The following ARMH3 variants were observed in gnomAD, a reference collection of about 807,000 sequenced individuals.
ARMH3 encodes armadillo-like helical domain-containing protein 3.
In ARMH3, 60 loss-of-function variants were observed where a neutral mutation model predicts 99.1. The ratio of observed to expected loss-of-function variants is 0.61; its 90% CI spans 0.49 to 0.75. The LOEUF is 0.75. Ranked by LOEUF, ARMH3 falls within the 30% of genes least tolerant of loss-of-function variation. ARMH3 has a pLI of 0.00. For synonymous variants in ARMH3, 285 were observed against 292.8 expected, an observed-to-expected ratio of 0.97 and a Z score of 0.27; for missense variants, 679 against 843.1, an observed-to-expected ratio of 0.81 and a Z score of 2.41.
chr10:102,015,688 C>G (rs918691994), intron 8 of ARMH3, among the ~76,000 whole-genome samples: 1 of 152,126 alleles, frequency 6.6e-6, no homozygotes, highest in South Asian at 2.1e-4. Context: ...CTGCACCCAG[C>G]CTGTTTTAGG....
intron 22 of ARMH3, among the ~76,000 whole-genome samples, chr10:101,945,117 T>A (rs566971378): frequency 1.4e-4 from 22 of 152,212 alleles, no homozygotes; most frequent in African/African-American, 5.3e-4. Flanking sequence ...GCAGACAGAT[T>A]ATAGAGGGAA....
At chr10:102,050,854 C>A (rs12775491) in intron 1 of ARMH3, among the ~76,000 whole-genome samples, 1 of 137,290 alleles carries the variant, frequency 7.3e-6, no homozygotes, top group Non-Finnish European at 1.6e-5. Context: ...AAGACTCCAT[C>A]TCAGAAAAAA....
chr10:101,865,265 T>A (rs1265801684), intron 24 of ARMH3, among the ~76,000 whole-genome samples: 1 of 150,338 alleles, frequency 6.7e-6, no homozygotes, highest in Non-Finnish European at 1.5e-5. Flanking sequence ...TAAGAAAACA[T>A]TAAATATGTA....
chr10:102,033,217 C>A (rs1194072470), intron 3 of ARMH3, 45 bp from the exon 4 acceptor site: 5 of 1,613,270 alleles, frequency 3.1e-6, no homozygotes, highest in Non-Finnish European at 3.4e-6. Flanking sequence ...TTTAGCTTAG[C>A]GCCTAGAATA....
chr10:102,013,174 G>A (rs2066669997), intron 9 of ARMH3, among the ~76,000 whole-genome samples: 1 of 152,200 alleles, frequency 6.6e-6, no homozygotes, highest in African/African-American at 2.4e-5. Context: ...CACTTTGAAA[G>A]AGAAGATCCA....
chr10:101,982,609 A>T (rs1846284943), intron 19 of ARMH3, among the ~76,000 whole-genome samples: 1 of 152,126 alleles, frequency 6.6e-6, no homozygotes, highest in African/African-American at 2.4e-5. Flanking sequence ...CTTCAACTGT[A>T]TTTACAGCTG....
intron 21 of ARMH3, among the ~76,000 whole-genome samples, chr10:101,957,130 GA>G (rs556703789): frequency 1.3e-5 from 2 of 152,188 alleles, no homozygotes; most frequent in Non-Finnish European, 2.9e-5. Context: ...GCTCTACAAT[GA>G]AAATCAGCAA....
rs755981528 is a variant in ARMH3, at chr10:101,939,847, A to C, written c.1781+16T>G. The C allele has an allele frequency of 1.5e-5, 24 of 1,609,126 alleles. No individual in the cohort carries two copies. In the East Asian group the frequency reaches 4.0e-4, roughly 27 times the overall value. On this transcript the variant is annotated intron_variant, in intron 23 of 25. Transcript: ENST00000370033. ...AGAGCCAAGGAACTCTGCAAGAGAT[A>C]CTTCTCATTCCTTACCTGATATTAA...
At chr10:101,940,756 C>G (rs1031195892) in intron 22 of ARMH3, among the ~76,000 whole-genome samples, 2 of 152,140 alleles carry the variant, frequency 1.3e-5, no homozygotes, top group African/African-American at 4.8e-5. Flanking sequence ...TCTACAAGAA[C>G]GTTCTTCCCT....
chr10:101,871,873 C>T (rs143058970), intron 24 of ARMH3, among the ~76,000 whole-genome samples: 493 of 151,954 alleles, frequency 3.2e-3, no homozygotes, highest in Non-Finnish European at 5.3e-3. Flanking sequence ...TGGTGGTGCA[C>T]GCTTGTAATC....
chr10:101,878,980 C>T (rs1215438586), intron 24 of ARMH3, among the ~76,000 whole-genome samples: 1 of 152,224 alleles, frequency 6.6e-6, no homozygotes, highest in Non-Finnish European at 1.5e-5. Context: ...GGATCTTCCA[C>T]TTACACATTT....
intron 24 of ARMH3, among the ~76,000 whole-genome samples, chr10:101,872,924 C>A (rs971930382): frequency 1.3e-5 from 2 of 151,088 alleles, no homozygotes; most frequent in East Asian, 3.9e-4. Context: ...CGCCACTGCA[C>A]GCCAGCATGT....
At chr10:101,886,068 A>G (rs1017290947) in intron 24 of ARMH3, among the ~76,000 whole-genome samples, 32 of 151,932 alleles carry the variant, frequency 2.1e-4, no homozygotes, top group South Asian at 4.2e-4. Context: ...AAAAAAAAAA[A>G]GGGGGTTAAA....
At chr10:101,927,367 C>A (rs1843550651) in intron 23 of ARMH3, among the ~76,000 whole-genome samples, 1 of 152,136 alleles carries the variant, frequency 6.6e-6, no homozygotes, top group Admixed American at 6.5e-5. Flanking sequence ...ACTCTCCTGC[C>A]ATCAGGGGGC....
intron 4 of ARMH3, among the ~76,000 whole-genome samples, chr10:102,031,876 T>A (rs890080459): frequency 1.3e-5 from 2 of 152,318 alleles, no homozygotes; most frequent in African/African-American, 4.8e-5. Flanking sequence ...GTAGCTGGGA[T>A]TACAGGCATG....
chr10:102,055,612 G>GGGACA (rs1409398657), intron 1 of ARMH3, among the ~76,000 whole-genome samples: 3 of 152,202 alleles, frequency 2.0e-5, no homozygotes, highest in African/African-American at 7.2e-5. Context: ...AGCCTGGAGA[G>GGGACA]GGACAGGACT....
intron 23 of ARMH3, among the ~76,000 whole-genome samples, chr10:101,936,743 G>C (rs900801176): frequency 6.6e-6 from 1 of 152,034 alleles, no homozygotes; most frequent in Non-Finnish European, 1.5e-5. Context: ...TAACCAAAAA[G>C]TAGAAGCAAC....
At chr10:102,007,833 C>CAA (rs529858697) in intron 13 of ARMH3, among the ~76,000 whole-genome samples, 222 of 48,458 alleles carry the variant, frequency 4.6e-3, no homozygotes, top group African/African-American at 6.0e-3. Flanking sequence ...ACACCATCTC[C>CAA]AAAAAAAAAA....
rs547735020 is a variant in ARMH3, at chr10:101,964,372, C to T, written c.1496-6640G>A. Among the ~76,000 whole-genome samples, 224 of 152,244 alleles carry T rather than the reference C, an allele frequency of 1.5e-3. 1 individual carries two copies. The highest frequency in any genetic ancestry group is 5.1e-3 in the African/African-American group (210 of 41,542). On this transcript the variant is annotated intron_variant, in intron 20 of 25. Transcript: ENST00000370033. ...ACTCCACTGGCCTAAGATAATTAAACGCACACAATCTCAAAAAAACAAGCG... is the reference window on the plus strand; with the variant it reads ...ACTCCACTGGCCTAAGATAATTAAATGCACACAATCTCAAAAAAACAAGCG...
Sources: gnomAD v4.1 joint callset for allele counts (sites outside exome capture counted in the v4.1 genomes callset) on GRCh38, gnomAD v4.1.1 for gene constraint, MANE v1.5 for transcripts, NCBI Gene and HGNC (gene_info 2026-07-23, HGNC 2026-07-21) for gene names.